Variants in TRPM3 observed in about 807,000 individuals in gnomAD.
TRPM3 encodes transient receptor potential cation channel subfamily M member 3.
Under a neutral mutation model 181.2 loss-of-function variants are expected in TRPM3, and 77 were observed. The ratio of observed to expected loss-of-function variants is 0.42; its 90% CI spans 0.35 to 0.51. The LOEUF is 0.51. Ranked by LOEUF, TRPM3 falls within the 20% of genes least tolerant of loss-of-function variation. TRPM3 has a pLI of 0.01. For synonymous variants in TRPM3, 745 were observed against 796.4 expected, an observed-to-expected ratio of 0.94 and a Z score of 1.09; for missense variants, 1,759 against 2,196.7, an observed-to-expected ratio of 0.80 and a Z score of 3.98.
intron 8 of TRPM3, among the ~76,000 whole-genome samples, chr9:70,744,267 G>A (rs1039913101): frequency 6.6e-6 from 1 of 151,530 alleles, no homozygotes; most frequent in Non-Finnish European, 1.5e-5. Flanking sequence ...GGCAGAGGTG[G>A]CAGTGAGCTG....
chr9:70,629,577 T>A (rs969077047), intron 12 of TRPM3, among the ~76,000 whole-genome samples: 19 of 152,272 alleles, frequency 1.2e-4, no homozygotes, highest in Admixed American at 4.6e-4. Flanking sequence ...CCTCAGGTGA[T>A]CCACTCATCT....
chr9:70,847,565 G>C (rs185895230), intron 3 of TRPM3, among the ~76,000 whole-genome samples: 114 of 152,250 alleles, frequency 7.5e-4, no homozygotes, highest in African/African-American at 2.7e-3. Flanking sequence ...TGCATGCAGG[G>C]GGGAATTGAA....
At chr9:70,573,911 A>G (rs1368245101) in intron 22 of TRPM3, among the ~76,000 whole-genome samples, 6 of 151,534 alleles carry the variant, frequency 4.0e-5, no homozygotes, top group African/African-American at 2.4e-5. Flanking sequence ...TGAGCCCTCA[A>G]AAAGGGTTCT....
At chr9:70,991,676 A>G (rs563977858) in intron 1 of TRPM3, among the ~76,000 whole-genome samples, 1 of 151,248 alleles carries the variant, frequency 6.6e-6, no homozygotes, top group South Asian at 2.1e-4. Context: ...AACAAAGTCC[A>G]CCTTAAGCTA....
intron 21 of TRPM3, 128 bp from the exon 22 acceptor site, chr9:70,591,333 T>C (rs1307458891): frequency 1.4e-6 from 1 of 727,274 alleles, no homozygotes; most frequent in Non-Finnish European, 2.3e-6. Flanking sequence ...AAGGGATGTT[T>C]AGACAGGGAG....
chr9:71,285,637 T>C (rs1349490723), intron 1 of TRPM3, among the ~76,000 whole-genome samples: 1 of 152,180 alleles, frequency 6.6e-6, no homozygotes, highest in Non-Finnish European at 1.5e-5. Context: ...AATCAAATAA[T>C]GCTTAAGCTA....
At chr9:70,899,871 A>G (rs73647176) in intron 1 of TRPM3, among the ~76,000 whole-genome samples, 2,206 of 152,340 alleles carry the variant, frequency 0.014, 61 homozygotes, top group African/African-American at 0.05. Flanking sequence ...TGAATGGACC[A>G]ATCAACCAAT....
At chr9:70,630,426 G>A (rs1328517981) in intron 12 of TRPM3, among the ~76,000 whole-genome samples, 1 of 152,224 alleles carries the variant, frequency 6.6e-6, no homozygotes, top group East Asian at 1.9e-4. Flanking sequence ...TGGAACCAGA[G>A]GCTTGTAGAC....
At chr9:71,299,989 G>C (rs752676456) in intron 1 of TRPM3, among the ~76,000 whole-genome samples, 9 of 152,110 alleles carry the variant, frequency 5.9e-5, no homozygotes, top group Middle Eastern at 3.2e-3. Context: ...AAGTTAGCTA[G>C]GAGCTGTCTC....
chr9:70,655,121 C>T (rs912739351), intron 9 of TRPM3, among the ~76,000 whole-genome samples: 3 of 150,342 alleles, frequency 2.0e-5, no homozygotes, highest in South Asian at 2.1e-4. Flanking sequence ...GCCTGACCAA[C>T]ATGGTGAAAC....
At chr9:71,163,284 T>G (rs2076366536) in intron 1 of TRPM3, among the ~76,000 whole-genome samples, 2 of 152,080 alleles carry the variant, frequency 1.3e-5, no homozygotes, top group Admixed American at 1.3e-4. Flanking sequence ...TAGATGTATA[T>G]CTGCACTAGG....
intron 1 of TRPM3, among the ~76,000 whole-genome samples, chr9:71,394,583 T>A (rs2093144754): frequency 1.3e-5 from 2 of 152,198 alleles, no homozygotes; most frequent in African/African-American, 4.8e-5. Flanking sequence ...ATTCCCAGAT[T>A]TTTCTTGAAT....
chr9:71,336,935 C>T (rs1456761104), intron 1 of TRPM3, among the ~76,000 whole-genome samples: 3 of 152,128 alleles, frequency 2.0e-5, no homozygotes, highest in African/African-American at 7.2e-5. Context: ...TTCCTTACAC[C>T]TTATACAAAA....
chr9:71,368,189 C>T (rs17618655), intron 1 of TRPM3, among the ~76,000 whole-genome samples: 1,553 of 152,214 alleles, frequency 0.01, 14 homozygotes, highest in South Asian at 0.016. Context: ...TGTGATGAGA[C>T]TCCCAATGCT....
chr9:71,089,364 T>C (rs920324603), intron 1 of TRPM3, among the ~76,000 whole-genome samples: 1 of 151,362 alleles, frequency 6.6e-6, no homozygotes, highest in African/African-American at 2.4e-5. Context: ...CAATACATAT[T>C]TTTCTTAGAT....
At chr9:70,624,118 A>G (rs1482038471) in intron 14 of TRPM3, among the ~76,000 whole-genome samples, 2 of 152,214 alleles carry the variant, frequency 1.3e-5, no homozygotes, top group African/African-American at 2.4e-5. Context: ...CAGTACTGAA[A>G]GACATTTCCC....
Position 70,868,883 on chromosome 9 carries a change from T to G in TRPM3, c.178-4372A>C, listed in dbSNP as rs2095717984. ...AAATTCATAAGTTCGTTTTGCCCTT[T>G]CCCTCCAAGCCTCCCTCGGTGTTGA... On this transcript the variant is annotated intron_variant, in intron 1 of 25. Coordinates refer to ENST00000677713, the MANE Select transcript of TRPM3 (RefSeq NM_001366145.2). 4.9e-6 allele frequency: 3 copies of G among 617,090 alleles called. No individual in the cohort carries two copies. The African/African-American group carries it at 6.0e-5, about 12-fold the overall frequency. The allele number at this position is 617,090 out of a possible 1,614,324, so 38.2% of individuals were successfully genotyped here.
At chr9:71,435,003 C>T (rs542717064) in intron 1 of TRPM3, among the ~76,000 whole-genome samples, 1 of 152,124 alleles carries the variant, frequency 6.6e-6, no homozygotes, top group South Asian at 2.1e-4. Context: ...AAAATATTTA[C>T]AAACTATTAA....
intron 1 of TRPM3, among the ~76,000 whole-genome samples, chr9:71,289,875 CAAAAAAAAAAAAAAA>C (rs71352367): frequency 5.0e-5 from 2 of 39,774 alleles, no homozygotes; most frequent in Non-Finnish European, 1.0e-4. Flanking sequence ...GACTCTGTCT[CAAAAAAAAAAAAAAA>C]AAAAAAAAAA....
Sources: allele counts gnomAD v4.1 joint callset (sites outside exome capture counted in the v4.1 genomes callset), GRCh38; gene constraint gnomAD v4.1.1; transcripts MANE v1.5; gene names NCBI Gene and HGNC (gene_info 2026-07-23, HGNC 2026-07-21).